HSF2: variants seen among roughly 807,000 people sequenced by gnomAD.
HSF2 encodes the protein heat shock transcription factor 2.
HSF2 carries 21 observed loss-of-function variants against 65.0 expected under a neutral mutation model. That is an observed-to-expected ratio of 0.32 (90% CI 0.23 to 0.47). The LOEUF (loss-of-function observed/expected upper bound fraction) is 0.47, where lower values mean the gene tolerates loss of function less well. Ranked by LOEUF, HSF2 falls within the 20% of genes least tolerant of loss-of-function variation. HSF2 has a pLI of 1.00. For missense variants in HSF2, 499 were observed against 628.1 expected (o/e 0.79, Z 2.20); for synonymous variants, 225 against 219.1 (o/e 1.03, Z -0.24).
In HSF2 at chr6:122,404,108, C is replaced by G. The variant is rs774061542; in HGVS notation, c.93+4278C>G. On this transcript the variant is annotated intron_variant, in intron 1 of 12. Transcript: ENST00000368455. ...AAAGACTTCATACCCAGCTTTCCCC[C>G]CTTTTTGTGCCCTTTGGCATTCTCT... Among the ~76,000 whole-genome samples, 9 of 152,196 alleles carry G rather than the reference C, an allele frequency of 5.9e-5. No individual in the cohort carries two copies. In the East Asian group the frequency reaches 7.7e-4, roughly 13 times the overall value.
chr6:122,406,660 A>G (rs768045430), intron 1 of HSF2, among the ~76,000 whole-genome samples: 4 of 152,202 alleles, frequency 2.6e-5, no homozygotes, highest in African/African-American at 4.8e-5. Context: ...AGGAACGACA[A>G]TTAAAAATGA....
chr6:122,422,815 G>C lies in HSF2; in HGVS notation c.928G>C (p.Glu310Gln), dbSNP rs764752770. The change falls in exon 9 of 13, where the codon GAA becomes CAA. Residue 310 changes from glutamate to glutamine, a missense_variant. By Grantham distance (29) the Glu-to-Gln change is conservative. Around this residue, in one of 2 missense-constraint regions of HSF2, gnomAD observed 349 missense variants for 393.5 expected, o/e 0.89. Transcript: ENST00000368455. ...TGGAGAGCAGAATGAACCAGCCAGA[G>C]AATCCCTAAGTTCAGGCAGTGATGG... ...QSGEQNEPAR[E>Q]SLSSGSDGSS... 1 of 1,613,754 alleles carries C rather than the reference G, an allele frequency of 6.2e-7. No homozygotes were observed. Among genetic ancestry groups the C allele is most frequent in the East Asian group, 2.2e-5 (1 of 44,874 alleles).
At chr6:122,404,362 G>C (rs761606331) in intron 1 of HSF2, among the ~76,000 whole-genome samples, 5 of 152,206 alleles carry the variant, frequency 3.3e-5, no homozygotes, top group South Asian at 4.2e-4. Context: ...GGGAGGATGG[G>C]GGTAAAATCC....
At chr6:122,405,452 A>G (rs1773849706) in intron 1 of HSF2, among the ~76,000 whole-genome samples, 1 of 152,178 alleles carries the variant, frequency 6.6e-6, no homozygotes, top group African/African-American at 2.4e-5. Flanking sequence ...AAAGAAAATT[A>G]AAAGAATACA....
At chr6:122,421,729 T>A (rs1774238925) in intron 7 of HSF2, among the ~76,000 whole-genome samples, 1 of 152,180 alleles carries the variant, frequency 6.6e-6, no homozygotes, top group East Asian at 1.9e-4. Flanking sequence ...TGAATAAGAA[T>A]AAAACACATT....
rs752826332 is a variant in HSF2 at position 122,422,781 on chromosome 6, C to T, written c.894C>T (p.Val298=). 3 of 1,613,594 alleles carry T rather than the reference C, an allele frequency of 1.9e-6. No homozygotes were observed. Among genetic ancestry groups the T allele is most frequent in the Admixed American group, 3.3e-5 (2 of 59,912 alleles). Residue 298 remains valine, a synonymous_variant, in exon 9 of 13, where the codon GTC becomes GTT. Coordinates refer to ENST00000368455, the MANE Select transcript of HSF2 (RefSeq NM_004506.4). The part of the protein sequence containing the change: ...EDDNEDEYAP[V]IQSGEQNEPA... ...ACAATGAAGATGAGTATGCACCTGT[C>T]ATTCAGAGTGGAGAGCAGAATGAAC...
At chr6:122,408,127 AGAAT>A (rs1773909341) in intron 1 of HSF2, among the ~76,000 whole-genome samples, 1 of 152,116 alleles carries the variant, frequency 6.6e-6, no homozygotes, top group Non-Finnish European at 1.5e-5. Context: ...GTTTCAACAT[AGAAT>A]TTTGGGGGAC....
intron 4 of HSF2, among the ~76,000 whole-genome samples, chr6:122,414,134 T>TA (rs1774066966): frequency 6.6e-6 from 1 of 152,230 alleles, no homozygotes; most frequent in African/African-American, 2.4e-5. Flanking sequence ...CCATGCTTGA[T>TA]ACTTATTTCG....
intron 10 of HSF2, among the ~76,000 whole-genome samples, chr6:122,424,213 G>A (rs1365445311): frequency 6.6e-6 from 1 of 151,992 alleles, no homozygotes; most frequent in Non-Finnish European, 1.5e-5. Context: ...AATATTGACT[G>A]GACTGAGAAT....
At chr6:122,404,994 T>C (rs188816427) in intron 1 of HSF2, among the ~76,000 whole-genome samples, 1 of 152,288 alleles carries the variant, frequency 6.6e-6, no homozygotes, top group East Asian at 1.9e-4. Flanking sequence ...AAGATTAATT[T>C]AGTCAGTCAC....
At chr6:122,413,948 A>G (rs969309678) in intron 4 of HSF2, among the ~76,000 whole-genome samples, 1 of 152,154 alleles carries the variant, frequency 6.6e-6, no homozygotes, top group South Asian at 2.1e-4. Context: ...TGATGTAGGA[A>G]ATATGATTCT....
intron 11 of HSF2, among the ~76,000 whole-genome samples, chr6:122,431,152 CTA>C (rs1163982209): frequency 1.3e-5 from 2 of 152,066 alleles, no homozygotes; most frequent in East Asian, 3.9e-4. Context: ...GTGACAAATT[CTA>C]TCTGTTCTGC....
At chr6:122,418,033 TG>T (rs1343184950) in intron 5 of HSF2, among the ~76,000 whole-genome samples, 1 of 152,210 alleles carries the variant, frequency 6.6e-6, no homozygotes, top group Non-Finnish European at 1.5e-5. Flanking sequence ...TAGCCTTTTT[TG>T]TAAGGAAATG....
At position 122,422,316 on chromosome 6, in the gene HSF2, TA is replaced by T; in HGVS notation, c.830+22del. 1.3e-6 allele frequency: 2 copies of T among 1,543,044 alleles called. No individual in the cohort carries two copies. Among genetic ancestry groups the T allele is most frequent in the Non-Finnish European group, 8.9e-7 (1 of 1,126,630 alleles). On this transcript the variant is annotated intron_variant, in intron 8 of 12. Coordinates refer to ENST00000368455, the MANE Select transcript of HSF2 (RefSeq NM_004506.4). ...CCCTCCAAGTAAGGAGTTTGTGAGA[TA>T]AAATGTATGAAAATATTGATTACTT...
chr6:122,411,518 C>T (rs1474625825), intron 1 of HSF2, among the ~76,000 whole-genome samples: 1 of 151,780 alleles, frequency 6.6e-6, no homozygotes, highest in Non-Finnish European at 1.5e-5. Flanking sequence ...AAATCATTGC[C>T]AAGTCTAATG....
chr6:122,421,474 T>A lies in HSF2; in HGVS notation c.682-676T>A, dbSNP rs544246695. 8.9e-5 allele frequency among the ~76,000 whole-genome samples: 11 copies of A among 123,858 alleles called. 1 individual carries two copies. In the South Asian group the frequency reaches 2.6e-3, roughly 29 times the overall value. The allele number at this position is 123,858 out of a possible 152,430, so 81.3% of individuals were successfully genotyped here. On this transcript the variant is annotated intron_variant, in intron 7 of 12. Transcript: ENST00000368455. ...GAAGATTTTTATATTTTTAACTGGGTTTATATATTTTAAAGTACTTCACAT... is the reference window on the plus strand; with the variant it reads ...GAAGATTTTTATATTTTTAACTGGGATTATATATTTTAAAGTACTTCACAT...
intron 1 of HSF2, among the ~76,000 whole-genome samples, chr6:122,404,519 C>G (rs1420542986): frequency 1.3e-5 from 2 of 152,078 alleles, no homozygotes; most frequent in Middle Eastern, 3.2e-3. Context: ...AATTTCTGTT[C>G]CGAAAAATGT....
At chr6:122,427,767 A>G in intron 10 of HSF2, 136 bp from the exon 11 acceptor site, 1 of 449,406 alleles carries the variant, frequency 2.2e-6, no homozygotes, top group Non-Finnish European at 4.0e-6. Flanking sequence ...TTCTCTTTCA[A>G]ACTTGTTTAA....
In HSF2 at chr6:122,427,908, C is replaced by T; in HGVS notation, c.1182C>T (p.Phe394=). 1 of 1,594,252 alleles carries T rather than the reference C, an allele frequency of 6.3e-7. No homozygotes were observed. Among genetic ancestry groups the T allele is most frequent in the Non-Finnish European group, 8.6e-7 (1 of 1,167,692 alleles). The part of the protein sequence containing the change: ...SIDPDLLVDL[F]TSSVQMNPTD... ...TTTCTTGTTTGGTCTTTCAGCTTTT[C>T]ACTAGTTCTGTGCAGATGAATCCCA... The change falls in exon 11 of 13, where the codon TTC becomes TTT. Residue 394 remains phenylalanine (F), a synonymous_variant. Coordinates refer to ENST00000368455, the MANE Select transcript of HSF2 (RefSeq NM_004506.4).
Sources: allele counts gnomAD v4.1 joint callset (sites outside exome capture counted in the v4.1 genomes callset), GRCh38; gene constraint gnomAD v4.1.1; regional missense constraint gnomAD v4.1.1; transcripts MANE v1.5; gene names NCBI Gene and HGNC (gene_info 2026-07-23, HGNC 2026-07-21).